NHEJ1: variants seen among roughly 807,000 people sequenced by gnomAD.
NHEJ1 encodes non-homologous end joining factor 1, also known as non-homologous end-joining factor 1.
Under a neutral mutation model 39.4 loss-of-function variants are expected in NHEJ1, and 22 were observed. The observed-to-expected ratio is 0.56, with a 90% confidence interval of 0.40 to 0.80. The LOEUF (loss-of-function observed/expected upper bound fraction) is 0.80, where lower values mean the gene tolerates loss of function less well. NHEJ1 is among the 30% of genes least tolerant of loss of function. The pLI, the probability that NHEJ1 is intolerant of heterozygous loss-of-function variation, is 0.00. For missense variants in NHEJ1, 329 were observed against 357.1 expected (o/e 0.92, Z 0.63); for synonymous variants, 154 against 135.6 (o/e 1.14, Z -0.94).
rs768404777 is a variant in NHEJ1 at position 219,147,836 on chromosome 2, A to G, written c.391-41T>C. Reference sequence around the variant, plus strand: ...TATCAATTAGCCAAAAGACTCTTATAAAGTACTTTCCAATTCAGTATTAGG... The same window carrying G: ...TATCAATTAGCCAAAAGACTCTTATGAAGTACTTTCCAATTCAGTATTAGG... On this transcript the variant is annotated intron_variant, in intron 3 of 7. Transcript: ENST00000356853. 1.6e-5 allele frequency: 26 copies of G among 1,609,100 alleles called. No individual in the cohort carries two copies. The East Asian group carries it at 4.2e-4, about 26-fold the overall frequency.
At chr2:219,110,823 C>T (rs978605907) in intron 5 of NHEJ1, among the ~76,000 whole-genome samples, 2 of 152,092 alleles carry the variant, frequency 1.3e-5, no homozygotes, top group Non-Finnish European at 2.9e-5. Context: ...AGGAAGGAGG[C>T]GGCCACCGTG....
At chr2:219,087,807 A>G (rs1949125116) in intron 5 of NHEJ1, among the ~76,000 whole-genome samples, 1 of 152,224 alleles carries the variant, frequency 6.6e-6, no homozygotes, top group Admixed American at 6.5e-5. Context: ...TCATCTAAAG[A>G]GACACTTAAG....
At chr2:219,130,332 GGA>G (rs1250278951) in intron 5 of NHEJ1, among the ~76,000 whole-genome samples, 1 of 152,126 alleles carries the variant, frequency 6.6e-6, no homozygotes, top group Non-Finnish European at 1.5e-5. Context: ...AGCAGTTTCA[GGA>G]GAGAGGGGCT....
chr2:219,143,113 G>A lies in NHEJ1; in HGVS notation c.588+3567C>T, dbSNP rs528541197. Among the ~76,000 whole-genome samples, 11 of 152,168 alleles carry A rather than the reference G, an allele frequency of 7.2e-5. 1 individual carries two copies. In the South Asian group the frequency reaches 2.1e-3, roughly 29 times the overall value. ...TAAAAACTGACCCCAGGCAATGACC[G>A]CATGGCCCTCTGACACCAGCCCTGG... On this transcript the variant is annotated intron_variant, in intron 5 of 7. Coordinates refer to ENST00000356853, the MANE Select transcript of NHEJ1 (RefSeq NM_024782.3).
At chr2:219,114,059 A>C (rs1949389216) in intron 5 of NHEJ1, among the ~76,000 whole-genome samples, 1 of 152,178 alleles carries the variant, frequency 6.6e-6, no homozygotes, top group Non-Finnish European at 1.5e-5. Flanking sequence ...AAAGCAAAAT[A>C]TTCTTAGGGA....
In NHEJ1 at chr2:219,077,361, T is replaced by G. The variant is rs1360336771; in HGVS notation, c.710A>C (p.Asp237Ala). 1 of 1,607,952 alleles carries G rather than the reference T, an allele frequency of 6.2e-7. No homozygotes were observed. The highest frequency in any genetic ancestry group is 2.2e-5 in the East Asian group (1 of 44,862). Reference sequence around the variant, plus strand: ...GGAAGCACTGTTTGAGGTATGAGGATCTCCTGAAATCAGAAAGATCAAGAG... The same window carrying G: ...GGAAGCACTGTTTGAGGTATGAGGAGCTCCTGAAATCAGAAAGATCAAGAG... ...QVGQKHQGAG[D>A]PHTSNSASLQ... Residue 237 changes from aspartate to alanine, a missense_variant, in exon 7 of 8, where the codon GAT becomes GCT. Physicochemically the swap from Asp to Ala is moderately radical, Grantham distance 126. Coordinates refer to ENST00000356853, the MANE Select transcript of NHEJ1 (RefSeq NM_024782.3).
chr2:219,105,232 C>T (rs1377083155), intron 5 of NHEJ1, among the ~76,000 whole-genome samples: 1 of 152,192 alleles, frequency 6.6e-6, no homozygotes, highest in Non-Finnish European at 1.5e-5. Flanking sequence ...GAAGTATCAA[C>T]TGTCACTATA....
At chr2:219,128,020 C>T (rs1035038314) in intron 5 of NHEJ1, among the ~76,000 whole-genome samples, 2 of 152,188 alleles carry the variant, frequency 1.3e-5, no homozygotes, top group Non-Finnish European at 2.9e-5. Flanking sequence ...CCTTTTCCTA[C>T]TCATCCCCAC....
chr2:219,095,296 A>G (rs769827440), intron 5 of NHEJ1: 3 of 470,836 alleles, frequency 6.4e-6, no homozygotes, highest in Non-Finnish European at 8.8e-6. Flanking sequence ...AGACCGATGC[A>G]GCATGTAGAG....
At chr2:219,087,796 T>G (rs573450601) in intron 5 of NHEJ1, among the ~76,000 whole-genome samples, 3 of 152,194 alleles carry the variant, frequency 2.0e-5, no homozygotes, top group African/African-American at 7.2e-5. Flanking sequence ...AGAACTTCTG[T>G]TCATCTAAAG....
intron 5 of NHEJ1, among the ~76,000 whole-genome samples, chr2:219,137,908 A>G (rs1949650871): frequency 6.6e-6 from 1 of 152,178 alleles, no homozygotes; most frequent in South Asian, 2.1e-4. Context: ...TGGCAATATT[A>G]TCATACCTTA....
chr2:219,159,516 T>TATGC (rs1417985309), intron 1 of NHEJ1, among the ~76,000 whole-genome samples: 12 of 51,862 alleles, frequency 2.3e-4, no homozygotes, highest in Admixed American at 4.3e-4. Flanking sequence ...CATAACTTTA[T>TATGC]ATATATATGC....
At chr2:219,123,456 T>C (rs999927634) in intron 5 of NHEJ1, among the ~76,000 whole-genome samples, 21 of 152,126 alleles carry the variant, frequency 1.4e-4, no homozygotes, top group African/African-American at 4.1e-4. Context: ...ATGATGATCA[T>C]TATTAAAAAC....
At chr2:219,101,960 G>A (rs139896395) in intron 5 of NHEJ1, among the ~76,000 whole-genome samples, 9 of 151,590 alleles carry the variant, frequency 5.9e-5, no homozygotes, top group Admixed American at 2.0e-4. Context: ...TCCTGACCTC[G>A]TGATCCGCCC....
rs1164443306 is a variant in NHEJ1 at position 219,072,590 on chromosome 2, A to G, written c.*3791T>C. On this transcript the variant is annotated 3_prime_UTR_variant, in exon 8 of 8. Transcript: ENST00000356853. ...TTAATGGTATAATATCCCTGAAGTG[A>G]TATTTTCTGAGTTAGGGTTAAAACT... Among the ~76,000 whole-genome samples the G allele has an allele frequency of 2.0e-5, 3 of 152,332 alleles. No homozygotes were observed. Among genetic ancestry groups the G allele is most frequent in the Admixed American group, 6.5e-5 (1 of 15,300 alleles).
chr2:219,154,417 T>C (rs1231104655), intron 3 of NHEJ1, among the ~76,000 whole-genome samples: 1 of 152,224 alleles, frequency 6.6e-6, no homozygotes, highest in Non-Finnish European at 1.5e-5. Flanking sequence ...GAAAGATCTA[T>C]TTTTTCACTG....
At chr2:219,095,356 CT>C (rs764127724) in intron 5 of NHEJ1, 45 of 470,928 alleles carry the variant, frequency 9.6e-5, no homozygotes, top group Non-Finnish European at 1.9e-4. Context: ...TATCTTTTAA[CT>C]GAGAGATGAT....
intron 5 of NHEJ1, among the ~76,000 whole-genome samples, chr2:219,127,417 T>C (rs1949535948): frequency 6.6e-6 from 1 of 152,192 alleles, no homozygotes; most frequent in African/African-American, 2.4e-5. Context: ...TGGCAAGTCC[T>C]TTCCAATCAG....
At chr2:219,115,374 C>T (rs1300139305) in intron 5 of NHEJ1, among the ~76,000 whole-genome samples, 1 of 152,108 alleles carries the variant, frequency 6.6e-6, no homozygotes, top group Non-Finnish European at 1.5e-5. Flanking sequence ...TTAGTTTGGG[C>T]TGAGCCATCC....
Sources: gnomAD v4.1 joint callset for allele counts (sites outside exome capture counted in the v4.1 genomes callset) on GRCh38, gnomAD v4.1.1 for gene constraint, MANE v1.5 for transcripts, NCBI Gene and HGNC (gene_info 2026-07-23, HGNC 2026-07-21) for gene names.